The following PCDHA8 variants were observed in gnomAD, a reference collection of about 807,000 sequenced individuals.
The protein encoded by PCDHA8 is protocadherin alpha-8.
Under a neutral mutation model 61.8 loss-of-function variants are expected in PCDHA8, and 53 were observed. That is an observed-to-expected ratio of 0.86 (90% CI 0.69 to 1.08). The LOEUF (loss-of-function observed/expected upper bound fraction) is 1.08, where lower values mean the gene tolerates loss of function less well. Among genes scored for constraint, PCDHA8 ranks in the 50% least tolerant of loss-of-function variants. The pLI, the probability that PCDHA8 is intolerant of heterozygous loss-of-function variation, is 0.00. For missense variants in PCDHA8, 1,293 were observed against 1,245.0 expected, an observed-to-expected ratio of 1.04 and a Z score of -0.58; for synonymous variants, 618 against 556.6, an observed-to-expected ratio of 1.11 and a Z score of -1.55.
chr5:140,861,502 T>A, intron 1 of PCDHA8: 1 of 482,002 alleles, frequency 2.1e-6, no homozygotes. Context: ...CTGATAGACC[T>A]CGAGGAGCTG....
chr5:140,856,128 G>A lies in PCDHA8; in HGVS notation c.2394+12413G>A, dbSNP rs1554148229. On this transcript the variant is annotated intron_variant, in intron 1 of 3. Coordinates refer to ENST00000531613, the MANE Select transcript of PCDHA8 (RefSeq NM_018911.3). ...CTCCTCGCAGCCTGGGAGGTGGGGA[G>A]CGGCCAGCTCCACTACTCAGTCTAC... The A allele has an allele frequency of 1.9e-6, 3 of 1,598,140 alleles. 1 individual carries two copies. The highest frequency in any genetic ancestry group is 2.6e-6 in the Non-Finnish European group (3 of 1,167,806).
At position 140,978,952 on chromosome 5, in the gene PCDHA8, C is replaced by T. The variant is rs374951627; in HGVS notation, c.2398C>T (p.Arg800Ter). Residue 800 changes from arginine (R) to a stop codon, truncating the protein, a stop_gained, in exon 2 of 4, where the codon CGA (arginine) becomes TGA (stop). Coordinates refer to ENST00000531613, the MANE Select transcript of PCDHA8 (RefSeq NM_018911.3). LOFTEE classifies it high-confidence loss of function. ...DLNVDHGLKP[R>*]QPNPDWRYSA... ...AACTCTCTTTGTGATTTTGCAGCCA[C>T]GACAGCCCAACCCTGACTGGCGTTA... is the stretch of plus-strand genomic sequence containing the variant. 5.0e-6 allele frequency: 8 copies of T among 1,614,018 alleles called. No individual in the cohort carries two copies. The highest frequency in any genetic ancestry group is 2.2e-5 in the South Asian group (2 of 91,070).
chr5:140,924,895 AAAAAAAAAAATAAAATAAAAT>A (rs1361418672), intron 1 of PCDHA8, among the ~76,000 whole-genome samples: 1,915 of 132,218 alleles, frequency 0.014, 23 homozygotes, highest in Admixed American at 0.024. Context: ...AACCTGTCTC[AAAAAAAAAAATAAAATAAAAT>A]AAAATAAAAT....
At chr5:140,988,468 A>G (rs1184589294) in intron 3 of PCDHA8, among the ~76,000 whole-genome samples, 1 of 152,186 alleles carries the variant, frequency 6.6e-6, no homozygotes, top group African/African-American at 2.4e-5. Flanking sequence ...GGGTGTGGGA[A>G]GGGGAATTAG....
intron 1 of PCDHA8, among the ~76,000 whole-genome samples, chr5:140,885,350 G>C (rs1050079674): frequency 6.6e-6 from 1 of 152,108 alleles, no homozygotes; most frequent in African/African-American, 2.4e-5. Context: ...ATTTCCAAAA[G>C]GTACTGGTGA....
intron 1 of PCDHA8, among the ~76,000 whole-genome samples, chr5:140,954,765 C>T (rs1305270750): frequency 6.6e-6 from 1 of 152,064 alleles, no homozygotes; most frequent in Non-Finnish European, 1.5e-5. Context: ...TGCAGAAGCT[C>T]TTTAATTTAA....
chr5:140,848,894 C>G (rs1562450529), intron 1 of PCDHA8: 3 of 1,604,178 alleles, frequency 1.9e-6, no homozygotes, highest in Non-Finnish European at 2.6e-6. Context: ...CTCCAGTGTT[C>G]CCAGCGACAC....
chr5:140,863,228 C>A, intron 1 of PCDHA8: 1 of 1,183,022 alleles, frequency 8.5e-7, no homozygotes, highest in Non-Finnish European at 1.2e-6. Flanking sequence ...AGGAAGGTCC[C>A]ATCGCGGGCT....
Position 140,979,220 on chromosome 5 carries a change from C to T in PCDHA8, c.2453+213C>T, listed in dbSNP as rs552719327. ...TATCAAGTGCTGGCATATAAGAGTC[C>T]TCTGTAAAATCACAGAAACAGGCTG... On this transcript the variant is annotated intron_variant, in intron 2 of 3. Transcript: ENST00000531613. Among the ~76,000 whole-genome samples, 27 of 152,304 alleles carry T rather than the reference C, an allele frequency of 1.8e-4. 1 individual carries two copies. The highest frequency in any genetic ancestry group is 6.3e-4 in the African/African-American group (26 of 41,574).
At chr5:140,913,945 A>T (rs2076523304) in intron 1 of PCDHA8, among the ~76,000 whole-genome samples, 1 of 152,086 alleles carries the variant, frequency 6.6e-6, no homozygotes, top group Non-Finnish European at 1.5e-5. Flanking sequence ...AAGAATCTTG[A>T]TATGATATCA....
intron 1 of PCDHA8, among the ~76,000 whole-genome samples, chr5:140,913,101 T>C (rs1352707377): frequency 5.9e-5 from 9 of 152,200 alleles, no homozygotes; most frequent in Non-Finnish European, 1.0e-4. Flanking sequence ...ACTGGCCTCA[T>C]AGAATCAGTT....
intron 3 of PCDHA8, among the ~76,000 whole-genome samples, chr5:140,993,767 G>T (rs115607244): frequency 1.3e-5 from 2 of 152,010 alleles, no homozygotes; most frequent in African/African-American, 4.8e-5. Flanking sequence ...TTACAATTGC[G>T]CAGTATTTTG....
Position 141,010,029 on chromosome 5 carries a change from A to G in PCDHA8, c.*92A>G, listed in dbSNP as rs2098415771. 1.1e-5 allele frequency: 17 copies of G among 1,580,452 alleles called. No individual in the cohort carries two copies. In the Admixed American group the frequency reaches 3.1e-4, roughly 29 times the overall value. On this transcript the variant is annotated 3_prime_UTR_variant, in exon 4 of 4. Coordinates refer to ENST00000531613, the MANE Select transcript of PCDHA8 (RefSeq NM_018911.3). ...AATTCCCTGCTCCTTTTTCCTATCT[A>G]CATGAGCCCTCTTAGAGACCTCAGA...
rs557901977 is a variant in PCDHA8 at position 140,876,312 on chromosome 5, G to A, written c.2394+32597G>A. 4.3e-6 allele frequency: 7 copies of A among 1,614,036 alleles called. No individual in the cohort carries two copies. In the East Asian group the frequency reaches 1.6e-4, roughly 36 times the overall value. On this transcript the variant is annotated intron_variant, in intron 1 of 3. Coordinates refer to ENST00000531613, the MANE Select transcript of PCDHA8 (RefSeq NM_018911.3). ...GACTTAATGGAGAAATTTCCTATGG[G>A]ATCAAAATGATTTTGCCAGTGAGTG...
At position 140,857,609 on chromosome 5, in the gene PCDHA8, C is replaced by T; in HGVS notation, c.2394+13894C>T. 1.3e-6 allele frequency: 2 copies of T among 1,596,206 alleles called. 1 individual carries two copies. Among genetic ancestry groups the T allele is most frequent in the African/African-American group, 2.7e-5 (2 of 74,262 alleles). ...GAGCGGCAAGGTGTACGCGCTGCAG[C>T]CGCTGGACCACGAGGAGCTGGAGCT... is the stretch of plus-strand genomic sequence containing the variant. On this transcript the variant is annotated intron_variant, in intron 1 of 3. Transcript: ENST00000531613.
In PCDHA8 at chr5:140,843,082, G is replaced by C. The variant is rs1265027526; in HGVS notation, c.1761G>C (p.Ala587=). The C allele has an allele frequency of 1.9e-6, 3 of 1,595,314 alleles. No homozygotes were observed. The highest frequency in any genetic ancestry group is 1.3e-5 in the African/African-American group (1 of 74,412). Residue 587 remains alanine, a synonymous_variant, in exon 1 of 4, where the codon GCG becomes GCC. Coordinates refer to ENST00000531613, the MANE Select transcript of PCDHA8 (RefSeq NM_018911.3). ...AGCTGGTGCCGCGGTCTGTGGGCGC[G>C]GGCCACGTGGTAGCGAAGGTGCGCG... ...ASKLVPRSVG[A]GHVVAKVRAV... is the part of the protein sequence containing the mutation.
Position 141,000,690 on chromosome 5 carries a change from A to G in PCDHA8, c.2543-8937A>G, listed in dbSNP as rs550187550. On this transcript the variant is annotated intron_variant, in intron 3 of 3. Transcript: ENST00000531613. The stretch of plus-strand genomic sequence containing the variant: ...TGATCCACCTGCCTCTGCCTCCCAA[A>G]GTGCTGGGATTACAGGCATGAGCCA... 4.2e-3 allele frequency among the ~76,000 whole-genome samples: 638 copies of G among 151,554 alleles called. 1 individual carries two copies. The highest frequency in any genetic ancestry group is 7.2e-3 in the Non-Finnish European group (489 of 67,874).
At chr5:140,863,423 T>A (rs1334887353) in intron 1 of PCDHA8, 2 of 677,498 alleles carry the variant, frequency 3.0e-6, no homozygotes, top group Non-Finnish European at 5.2e-6. Flanking sequence ...TACCGCAGCG[T>A]AGTGGGATCT....
chr5:140,912,640 T>C (rs181860319), intron 1 of PCDHA8, among the ~76,000 whole-genome samples: 5 of 152,296 alleles, frequency 3.3e-5, no homozygotes, highest in Non-Finnish European at 7.4e-5. Flanking sequence ...TTCAGTACTA[T>C]GTTGAATAGA....
Sources: allele counts gnomAD v4.1 joint callset (sites outside exome capture counted in the v4.1 genomes callset), GRCh38; gene constraint gnomAD v4.1.1; transcripts MANE v1.5; gene names NCBI Gene and HGNC (gene_info 2026-07-23, HGNC 2026-07-21).